Variants in ROBO4 observed in about 807,000 individuals in gnomAD.
The protein encoded by ROBO4 is roundabout guidance receptor 4.
A neutral mutation model predicts 103.3 loss-of-function variants in ROBO4; 80 were observed. That is an observed-to-expected ratio of 0.77 (90% CI 0.65 to 0.93). The LOEUF is 0.93. Ranked by LOEUF, ROBO4 falls within the 40% of genes least tolerant of loss-of-function variation. The pLI is 0.00. For missense variants in ROBO4, 1,333 were observed against 1,305.3 expected, an observed-to-expected ratio of 1.02 and a Z score of -0.33; for synonymous variants, 504 against 529.7, an observed-to-expected ratio of 0.95 and a Z score of 0.67.
chr11:124,892,188 C>T, intron 10 of ROBO4: 1 of 393,570 alleles, frequency 2.5e-6, no homozygotes, highest in Non-Finnish European at 5.0e-6. Context: ...CCAGTTTTCT[C>T]ATCTGTAAAA....
intron 13 of ROBO4, 84 bp from the exon 14 acceptor site, chr11:124,887,583 C>A (rs1946737066): frequency 6.3e-7 from 1 of 1,579,346 alleles, no homozygotes. Flanking sequence ...CACCAGCCCC[C>A]TTAGCTACCT....
At chr11:124,886,326 ATGCAAAGCACTTATCATAGTGCCTG>A in intron 16 of ROBO4, 113 bp downstream of exon 16, 2 of 687,620 alleles carry the variant, frequency 2.9e-6, no homozygotes, top group East Asian at 2.6e-5. Flanking sequence ...TATTAAATGT[ATGCAAAGCACTTATCATAGTGCCTG>A]AGATACAATA....
rs1946680987 is a variant in ROBO4 at position 124,884,518 on chromosome 11, T to G, written c.*373A>C. 3.2e-6 allele frequency: 1 copy of G among 307,766 alleles called. No homozygotes were observed. Among genetic ancestry groups the G allele is most frequent in the Non-Finnish European group, 6.0e-6 (1 of 165,488 alleles). 19.1% of individuals were successfully genotyped at this position (307,766 alleles called of 1,614,324 possible). A position where few individuals can be genotyped will look rare whatever the true frequency, so the allele number is the denominator to read the frequency against. ...TCCACAGCCCTCTCCCAGCAGCCACTGCTGTCCTCCACAAAGGCACCTCTG... is the reference window on the plus strand; with the variant it reads ...TCCACAGCCCTCTCCCAGCAGCCACGGCTGTCCTCCACAAAGGCACCTCTG... On this transcript the variant is annotated 3_prime_UTR_variant, in exon 18 of 18. Coordinates refer to ENST00000306534, the MANE Select transcript of ROBO4 (RefSeq NM_019055.6).
chr11:124,885,572 A>G lies in ROBO4; in HGVS notation c.2795-325T>C, dbSNP rs1482293603. 2.8e-5 allele frequency among the ~76,000 whole-genome samples: 4 copies of G among 144,744 alleles called. No homozygotes were observed. In the Admixed American group the frequency reaches 2.8e-4, roughly 10 times the overall value. The allele number at this position is 144,744 out of a possible 152,430, so 95.0% of individuals were successfully genotyped here. A position where few individuals can be genotyped will look rare whatever the true frequency, so the allele number is the denominator to read the frequency against. On this transcript the variant is annotated intron_variant, in intron 16 of 17. Transcript: ENST00000306534. ...GATAATCCTTGCCCTCCCATTTACC[A>G]CAAGCCTGTTTTTTTTTTTTTTGTC...
chr11:124,887,162 G>A lies in ROBO4; in HGVS notation c.2250C>T (p.Pro750=), dbSNP rs765868800. 6.2e-7 allele frequency: 1 copy of A among 1,606,610 alleles called. No homozygotes were observed. The highest frequency in any genetic ancestry group is 2.2e-5 in the East Asian group (1 of 44,736). ...APSSILLPAA[P]IPILSPCSPP... ...GACTGCAGGGGCTAAGGATGGGGAT[G>A]GGGGCTGCTGGCAGCAGGATGGAGG... is the stretch of plus-strand genomic sequence containing the variant. Residue 750 remains proline, a synonymous_variant, in exon 15 of 18, where the codon CCC becomes CCT. Coordinates refer to ENST00000306534, the MANE Select transcript of ROBO4 (RefSeq NM_019055.6).
chr11:124,884,927 G>A lies in ROBO4; in HGVS notation c.3002-14C>T, dbSNP rs1227735178. The A allele has an allele frequency of 6.2e-7, 1 of 1,614,188 alleles. No homozygotes were observed. On this transcript the variant is annotated splice_polypyrimidine_tract_variant and intron_variant, in intron 17 of 17. Coordinates refer to ENST00000306534, the MANE Select transcript of ROBO4 (RefSeq NM_019055.6). The stretch of plus-strand genomic sequence containing the variant: ...CTACAGGAGAAGCTGAAGGACAGTG[G>A]AGTTATCTCCCTTGCTCCTTATCTC...
In ROBO4 at chr11:124,884,388, A is replaced by C; in HGVS notation, c.*503T>G. On this transcript the variant is annotated 3_prime_UTR_variant, in exon 18 of 18. Transcript: ENST00000306534. ...GGTAGGGCCTCAGTGCCTCAGTGGC[A>C]TTCATAATTATTTTCTTTCCATGGT... The C allele has an allele frequency of 5.9e-6, 1 of 170,916 alleles. No individual in the cohort carries two copies. The highest frequency in any genetic ancestry group is 1.3e-5 in the Non-Finnish European group (1 of 79,732). The allele number at this position is 170,916 out of a possible 1,614,324, so 10.6% of individuals were successfully genotyped here. A position where few individuals can be genotyped will look rare whatever the true frequency, so the allele number is the denominator to read the frequency against.
rs748211402 is a variant in ROBO4, at chr11:124,894,015, G to T, written c.1349C>A (p.Pro450His). ...CAGGGTCCAGGGACCATGCTCACTG[G>T]GTTCTTGGGTGGCTCGCTCCATGGC... ...EQAMERATQE[P>H]SEHGPWTLEQ... is the part of the protein sequence containing the mutation. Residue 450 changes from proline (P) to histidine (H), a missense_variant, in exon 9 of 18, where the codon CCC becomes CAC. Pro to His is a moderately conservative substitution (Grantham distance 77). Coordinates refer to ENST00000306534, the MANE Select transcript of ROBO4 (RefSeq NM_019055.6). The T allele has an allele frequency of 1.3e-6, 2 of 1,557,576 alleles. No homozygotes were observed. Among genetic ancestry groups the T allele is most frequent in the South Asian group, 1.2e-5 (1 of 80,992 alleles).
intron 10 of ROBO4, among the ~76,000 whole-genome samples, 175 bp downstream of exon 10, chr11:124,893,513 G>A (rs1318608545): frequency 1.3e-5 from 2 of 152,202 alleles, no homozygotes; most frequent in African/African-American, 2.4e-5. Flanking sequence ...GTCAAGTGGT[G>A]TGATAGGAAT....
chr11:124,888,123 A>G (rs1231697749), intron 12 of ROBO4, among the ~76,000 whole-genome samples: 4 of 152,202 alleles, frequency 2.6e-5, no homozygotes, highest in Non-Finnish European at 5.9e-5. Context: ...GTAAACAACC[A>G]CTTCGAATGA....
Position 124,889,447 on chromosome 11 carries a change from G to A in ROBO4, c.1949-1607C>T, listed in dbSNP as rs569165363. The stretch of plus-strand genomic sequence containing the variant: ...CTGGTAACAAAAGCCCTCCTCCTAT[G>A]TTGCTTGGAGTTACTTGGACTTTAG... On this transcript the variant is annotated intron_variant, in intron 12 of 17. Transcript: ENST00000306534. Among the ~76,000 whole-genome samples the A allele has an allele frequency of 1.1e-3, 160 of 152,292 alleles. 1 individual carries two copies. The highest frequency in any genetic ancestry group is 3.7e-3 in the African/African-American group (152 of 41,570).
chr11:124,897,239 C>T lies in ROBO4; in HGVS notation c.93G>A (p.Pro31=), dbSNP rs757602927. 159 of 1,455,352 alleles carry T rather than the reference C, an allele frequency of 1.1e-4. No individual in the cohort carries two copies. The highest frequency in any genetic ancestry group is 1.7e-4 in the Admixed American group (6 of 35,674). 90.2% of individuals were successfully genotyped at this position (1,455,352 alleles called of 1,614,324 possible). A position where few individuals can be genotyped will look rare whatever the true frequency, so the allele number is the denominator to read the frequency against. Residue 31 remains proline, a synonymous_variant, in exon 2 of 18, where the codon CCG becomes CCA. Transcript: ENST00000306534. The stretch of plus-strand genomic sequence containing the variant: ...CCTGGGGGTGGACTAGGATCTGGGG[C>T]GGGGAGTCCTGAGCCATGCCTCCTG... ...LIMGGMAQDS[P]PQILVHPQDQ...
chr11:124,894,346 T>C lies in ROBO4; in HGVS notation c.1173A>G (p.Ser391=), dbSNP rs1229099132. Residue 391 remains serine (S), a synonymous_variant, in exon 8 of 18, where the codon TCA becomes TCG. Transcript: ENST00000306534. The part of the protein sequence containing the change: ...GYQVWSLGNT[S]LPPANWTVVG... ...CTACAGTCCAGTTGGCTGGTGGCAG[T>C]GATGTGTTGCCCAGGCTCCAGACCT... 8 of 1,613,270 alleles carry C rather than the reference T, an allele frequency of 5.0e-6. No individual in the cohort carries two copies. In the African/African-American group the frequency reaches 9.4e-5, roughly 19 times the overall value.
rs1374642601 is a variant in ROBO4, at chr11:124,885,197, G to T, written c.2845C>A (p.Leu949Ile). The change falls in exon 17 of 18, where the codon CTC becomes ATC. Residue 949 changes from leucine (L) to isoleucine (I), a missense_variant. Physicochemically the swap from Leu to Ile is conservative, Grantham distance 5 (BLOSUM62 2). Transcript: ENST00000306534. ...PRDEIFLTPN[L>I]SLPLWEWRPD... ...CTCCACTCCCACAGGGGCAGGGAGAGGTTGGGGGTCAGGAAGATCTCATCC... is the reference window on the plus strand; with the variant it reads ...CTCCACTCCCACAGGGGCAGGGAGATGTTGGGGGTCAGGAAGATCTCATCC... 1 of 1,613,812 alleles carries T rather than the reference G, an allele frequency of 6.2e-7. No homozygotes were observed. Among genetic ancestry groups the T allele is most frequent in the East Asian group, 2.2e-5 (1 of 44,882 alleles).
At chr11:124,895,943 T>C (rs1946881670) in intron 4 of ROBO4, 31 bp from the exon 5 acceptor site, 1 of 1,611,526 alleles carries the variant, frequency 6.2e-7, no homozygotes, top group Non-Finnish European at 8.5e-7. Context: ...GGCTGGGGCT[T>C]ATAGGCCAGA....
chr11:124,897,343 T>G (rs1269285886), intron 1 of ROBO4, 82 bp from the exon 2 acceptor site: 2 of 1,085,366 alleles, frequency 1.8e-6, no homozygotes, highest in Non-Finnish European at 2.5e-6. Flanking sequence ...TGTCTTCTCT[T>G]GTGTGCGAGT....
At chr11:124,896,895 G>C in intron 2 of ROBO4, 37 bp downstream of exon 2, 1 of 1,593,174 alleles carries the variant, frequency 6.3e-7, no homozygotes, top group Non-Finnish European at 8.5e-7. Flanking sequence ...CTCCACCCAG[G>C]TTTGCCCCAC....
intron 12 of ROBO4, 94 bp from the exon 13 acceptor site, chr11:124,887,934 C>T: frequency 2.0e-6 from 2 of 1,005,016 alleles, no homozygotes; most frequent in Non-Finnish European, 1.5e-6. Flanking sequence ...ATTCAGCCTG[C>T]ACGACCCTGA....
Position 124,887,435 on chromosome 11 carries a change from A to T in ROBO4, c.2121T>A (p.Asn707Lys). The T allele has an allele frequency of 5.6e-6, 9 of 1,612,940 alleles. No homozygotes were observed. Among genetic ancestry groups the T allele is most frequent in the Non-Finnish European group, 7.6e-6 (9 of 1,178,996 alleles). Residue 707 changes from asparagine (N) to lysine (K), a missense_variant, in exon 14 of 18, where the codon AAT (asparagine) becomes AAA (lysine). By Grantham distance (94) the Asn-to-Lys change is moderately conservative. Transcript: ENST00000306534. ...ALGPKLLSSS[N>K]ELVTRHLPPA... ...GAGGGAGATGACGAGTAACCAGCTC[A>T]TTTGAGGAGCTGAGGAGTTTCGGTC...
Sources: gnomAD v4.1 joint callset for allele counts (sites outside exome capture counted in the v4.1 genomes callset) on GRCh38, gnomAD v4.1.1 for gene constraint, MANE v1.5 for transcripts, NCBI Gene and HGNC (gene_info 2026-07-23, HGNC 2026-07-21) for gene names.